The following MCRIP1 variants were observed in gnomAD, a reference collection of about 807,000 sequenced individuals.
MCRIP1 encodes mapk-regulated corepressor-interacting protein 1.
A neutral mutation model predicts 14.4 loss-of-function variants in MCRIP1; 10 were observed. The ratio of observed to expected loss-of-function variants is 0.70; its 90% CI spans 0.43 to 1.18. The LOEUF is 1.18. MCRIP1 is among the 50% of genes most tolerant of loss of function. The pLI is 0.00. For missense variants in MCRIP1, 119 were observed against 135.4 expected (o/e 0.88, Z 0.60); for synonymous variants, 53 against 55.7 (o/e 0.95, Z 0.21).
intron 1 of MCRIP1, chr17:81,825,874 T>G: frequency 7.7e-7 from 1 of 1,290,386 alleles, no homozygotes; most frequent in South Asian, 1.2e-5. Flanking sequence ...GGGAAAGGCC[T>G]GTTTGGGTTG....
intron 1 of MCRIP1, among the ~76,000 whole-genome samples, chr17:81,831,128 TGCC>T (rs2038509367): frequency 1.4e-5 from 2 of 144,572 alleles, no homozygotes; most frequent in Non-Finnish European, 3.0e-5. Context: ...GCCGAGATTG[TGCC>T]ACTGCACTCC....
At chr17:81,830,973 C>A (rs554508970) in intron 1 of MCRIP1, among the ~76,000 whole-genome samples, 3 of 152,084 alleles carry the variant, frequency 2.0e-5, no homozygotes, top group African/African-American at 7.2e-5. Context: ...CGAGACCAGC[C>A]TGGCCAACAT....
Position 81,824,533 on chromosome 17 carries a change from C to T in MCRIP1, c.-27G>A, listed in dbSNP as rs1249316155. On this transcript the variant is annotated 5_prime_UTR_variant, in exon 2 of 5. Coordinates refer to ENST00000455127, the MANE Select transcript of MCRIP1 (RefSeq NM_207368.5). ...GCGGGGGCGTCTGATCCTAGCGCTCCACCGCCAGATCCCCTCAGCCTCTGA... is the reference window on the plus strand; with the variant it reads ...GCGGGGGCGTCTGATCCTAGCGCTCTACCGCCAGATCCCCTCAGCCTCTGA... 7 of 1,535,980 alleles carry T rather than the reference C, an allele frequency of 4.6e-6. No homozygotes were observed. The highest frequency in any genetic ancestry group is 6.1e-6 in the Non-Finnish European group (7 of 1,146,768).
chr17:81,823,323 C>A lies in MCRIP1; in HGVS notation c.230-12G>T. ...GATGGGCTTGAAGGCTGCCAGGGGA[C>A]AACGCGGTAGGTGGTGGGCACAGGC... On this transcript the variant is annotated splice_polypyrimidine_tract_variant and intron_variant, in intron 4 of 4. Coordinates refer to ENST00000455127, the MANE Select transcript of MCRIP1 (RefSeq NM_207368.5). This position sits in a 1 kb window ranked among gnomAD's most constrained non-coding sequence, Gnocchi z 6.0. The A allele has an allele frequency of 6.5e-7, 1 of 1,536,948 alleles. No homozygotes were observed. The highest frequency in any genetic ancestry group is 8.7e-7 in the Non-Finnish European group (1 of 1,146,776).
chr17:81,833,214 C>T (rs932907724), intron 1 of MCRIP1, 24 bp downstream of exon 1: 1 of 148,726 alleles, frequency 6.7e-6, no homozygotes, highest in Non-Finnish European at 1.5e-5. Context: ...CCGTCCCCGC[C>T]GCCCGGCGCC....
intron 1 of MCRIP1, among the ~76,000 whole-genome samples, chr17:81,828,551 G>A (rs770028885): frequency 7.9e-5 from 12 of 152,112 alleles, no homozygotes; most frequent in East Asian, 3.9e-4. Context: ...AATTTCACTC[G>A]TAATTACCCA....
At chr17:81,825,618 A>C in intron 1 of MCRIP1, 4 of 1,289,418 alleles carry the variant, frequency 3.1e-6, no homozygotes, top group Non-Finnish European at 4.0e-6. Context: ...TCCAGCCCTC[A>C]AACACCACGT....
At chr17:81,826,781 G>A (rs2038409353) in intron 1 of MCRIP1, 2 of 151,894 alleles carry the variant, frequency 1.3e-5, no homozygotes, top group South Asian at 2.8e-4. Context: ...TCGCGCCAAC[G>A]CACTCCAGCC....
In MCRIP1 at chr17:81,823,586, G is replaced by T; in HGVS notation, c.128-73C>A. On this transcript the variant is annotated intron_variant, in intron 3 of 4. Coordinates refer to ENST00000455127, the MANE Select transcript of MCRIP1 (RefSeq NM_207368.5). This position sits in a 1 kb window ranked among gnomAD's most constrained non-coding sequence, Gnocchi z 6.0. ...TGGCATCCACGTCACGAGAGTGCCT[G>T]CCCTCAGCTCCTGCCCTCCCAGATC... 1 of 1,254,940 alleles carries T rather than the reference G, an allele frequency of 8.0e-7. No individual in the cohort carries two copies. The highest frequency in any genetic ancestry group is 1.1e-6 in the Non-Finnish European group (1 of 895,912). 77.7% of individuals were successfully genotyped at this position (1,254,940 alleles called of 1,614,324 possible).
At chr17:81,827,427 A>G (rs1317312575) in intron 1 of MCRIP1, among the ~76,000 whole-genome samples, 1 of 151,602 alleles carries the variant, frequency 6.6e-6, no homozygotes, top group African/African-American at 2.4e-5. Flanking sequence ...GCCCGCCACC[A>G]CGCCCAGCTA....
intron 1 of MCRIP1, chr17:81,825,552 G>A: frequency 1.6e-6 from 2 of 1,286,100 alleles, no homozygotes; most frequent in South Asian, 1.2e-5. Context: ...CTCACAGAGG[G>A]CCAGGAGCAC....
intron 1 of MCRIP1, among the ~76,000 whole-genome samples, chr17:81,832,920 G>C (rs2038549232): frequency 6.6e-6 from 1 of 152,192 alleles, no homozygotes; most frequent in African/African-American, 2.4e-5. Context: ...GACGGCGGCA[G>C]AAGGCTGGCC....
intron 1 of MCRIP1, chr17:81,826,742 C>T: frequency 4.4e-6 from 1 of 227,766 alleles, no homozygotes; most frequent in Non-Finnish European, 8.6e-6. Flanking sequence ...TCGCTTGAAC[C>T]CGGGAGGTGG....
At chr17:81,832,129 T>C (rs1487714516) in intron 1 of MCRIP1, among the ~76,000 whole-genome samples, 1 of 152,120 alleles carries the variant, frequency 6.6e-6, no homozygotes, top group Admixed American at 6.5e-5. Flanking sequence ...GTCACCATGC[T>C]CCTCCGGAGT....
chr17:81,832,668 G>A (rs1020518966), intron 1 of MCRIP1, among the ~76,000 whole-genome samples: 42 of 152,246 alleles, frequency 2.8e-4, no homozygotes, highest in African/African-American at 1.0e-3. Flanking sequence ...GCCCCGTATG[G>A]CTCCCGCCCC....
intron 1 of MCRIP1, chr17:81,825,540 C>T: frequency 1.6e-6 from 2 of 1,280,262 alleles, no homozygotes; most frequent in Non-Finnish European, 2.0e-6. Context: ...ACGGCTGCAG[C>T]CCTCACAGAG....
intron 3 of MCRIP1, 39 bp downstream of exon 3, chr17:81,824,248 A>C: frequency 6.8e-7 from 1 of 1,480,506 alleles, no homozygotes; most frequent in Non-Finnish European, 9.1e-7. Context: ...TGACTCCGTC[A>C]AGGACAGGGC....
At chr17:81,825,614 C>G in intron 1 of MCRIP1, 1 of 1,289,392 alleles carries the variant, frequency 7.8e-7, no homozygotes, top group Non-Finnish European at 1.0e-6. Context: ...ATGGTCCAGC[C>G]CTCAAACACC....
Position 81,824,366 on chromosome 17 carries a change from G to T in MCRIP1, c.48C>A (p.Thr16=). Residue 16 remains threonine (T), a synonymous_variant, in exon 3 of 5, where the codon ACC becomes ACA. Transcript: ENST00000455127. ...TGCTGGGTGGGGAGCGGGGGCTGCTGGTCCTCTTGCCGTTGTACACGACTC... is the reference window on the plus strand; with the variant it reads ...TGCTGGGTGGGGAGCGGGGGCTGCTTGTCCTCTTGCCGTTGTACACGACTC... ...VSRVVYNGKR[T]SSPRSPPSSS... The T allele has an allele frequency of 6.5e-7, 1 of 1,535,998 alleles. No individual in the cohort carries two copies. Among genetic ancestry groups the T allele is most frequent in the Non-Finnish European group, 8.7e-7 (1 of 1,146,468 alleles).
Sources: allele counts gnomAD v4.1 joint callset (sites outside exome capture counted in the v4.1 genomes callset), GRCh38; gene constraint gnomAD v4.1.1; non-coding constraint Gnocchi (gnomAD v3.1); transcripts MANE v1.5; gene names NCBI Gene and HGNC (gene_info 2026-07-23, HGNC 2026-07-21).